The following MYB variants were observed in gnomAD, a reference collection of about 807,000 sequenced individuals.
The protein encoded by MYB is MYB proto-oncogene, transcription factor.
A neutral mutation model predicts 92.9 loss-of-function variants in MYB; 28 were observed. The observed-to-expected ratio is 0.30, with a 90% CI of 0.22 to 0.41. The LOEUF is 0.41. Ranked by LOEUF, MYB falls within the 10% of genes least tolerant of loss-of-function variation. The pLI, the probability that MYB is intolerant of heterozygous loss-of-function variation, is 1.00. For missense variants in MYB, 679 were observed against 929.3 expected, an observed-to-expected ratio of 0.73 and a Z score of 3.50; for synonymous variants, 295 against 329.1, an observed-to-expected ratio of 0.90 and a Z score of 1.12.
At chr6:135,184,427 C>A (rs1418862400) in intron 1 of MYB, among the ~76,000 whole-genome samples, 1 of 140,340 alleles carries the variant, frequency 7.1e-6, no homozygotes, top group Non-Finnish European at 1.5e-5. Context: ...GGAAACAGAA[C>A]TAGGCTATTG....
At chr6:135,183,013 T>G (rs1335342982) in intron 1 of MYB, among the ~76,000 whole-genome samples, 5 of 147,102 alleles carry the variant, frequency 3.4e-5, no homozygotes, top group Admixed American at 6.7e-5. Context: ...TCTGTTTTTT[T>G]TTTTTTTTTT....
At chr6:135,187,778 G>C in intron 2 of MYB, 56 bp from the exon 3 acceptor site, 1 of 1,233,168 alleles carries the variant, frequency 8.1e-7, no homozygotes, top group Non-Finnish European at 1.2e-6. Flanking sequence ...ACTTTAACTT[G>C]AACAGAGTTA....
intron 8 of MYB, chr6:135,195,509 T>A: frequency 2.0e-6 from 1 of 509,670 alleles, no homozygotes; most frequent in Middle Eastern, 4.8e-4. Flanking sequence ...ATTTGACATT[T>A]TTACAAAATG....
At chr6:135,208,571 G>A (rs1325265100) in intron 15 of MYB, among the ~76,000 whole-genome samples, 4 of 148,886 alleles carry the variant, frequency 2.7e-5, no homozygotes, top group Non-Finnish European at 5.9e-5. Context: ...TTTAGAGATG[G>A]GGTCTCCCTG....
intron 14 of MYB, 99 bp downstream of exon 14, chr6:135,201,848 C>G (rs920306061): frequency 5.2e-5 from 26 of 496,606 alleles, no homozygotes; most frequent in Non-Finnish European, 7.9e-5. Flanking sequence ...AGCACTCCCT[C>G]TTTAACACAT....
At chr6:135,202,489 C>G (rs1355356620) in intron 14 of MYB, 1 of 154,980 alleles carries the variant, frequency 6.5e-6, no homozygotes, top group African/African-American at 2.4e-5. Flanking sequence ...CTGCCTCAGT[C>G]TCCCGAGAAG....
In MYB at chr6:135,214,232, G is replaced by A. The variant is rs149456714; in HGVS notation, c.2170-3632G>A. 4.1e-3 allele frequency among the ~76,000 whole-genome samples: 616 copies of A among 151,620 alleles called. 4 individuals are homozygous for A. Among genetic ancestry groups the A allele is most frequent in the African/African-American group, 0.014 (594 of 41,268 alleles). The stretch of plus-strand genomic sequence containing the variant: ...AGGAGTTTGAGGGAGCTGTGATCAC[G>A]CCCCTGCACTCCAGCCTGGGCAACA... On this transcript the variant is annotated intron_variant, in intron 15 of 15. Coordinates refer to ENST00000341911, the MANE Select transcript of MYB (RefSeq NM_001130173.2).
intron 15 of MYB, among the ~76,000 whole-genome samples, chr6:135,208,639 C>T (rs1051089980): frequency 3.9e-5 from 6 of 152,004 alleles, no homozygotes; most frequent in African/African-American, 1.5e-4. Flanking sequence ...CCTTGACCTC[C>T]CAAAGTGCTG....
Position 135,198,999 on chromosome 6 carries a change from C to A in MYB, c.1658C>A (p.Thr553Lys), listed in dbSNP as rs1203580616. The A allele has an allele frequency of 1.2e-6, 2 of 1,612,168 alleles. No individual in the cohort carries two copies. The highest frequency in any genetic ancestry group is 1.3e-5 in the African/African-American group (1 of 74,976). Residue 553 changes from threonine to lysine, a missense_variant, in exon 11 of 16, where the codon ACA becomes AAA. Thr to Lys is a moderately conservative substitution (Grantham distance 78). Around this residue, in one of 8 missense-constraint regions of MYB, gnomAD observed 402 missense variants for 434.2 expected, o/e 0.93. Transcript: ENST00000341911. ...CTCATTGGTCACAAATTGACTGTTA[C>A]AACACCATTTCATAGAGACCAGACT... ...TPLIGHKLTV[T>K]TPFHRDQTVK...
In MYB at chr6:135,218,931, CCTGA is replaced by C. The variant is rs1489406493; in HGVS notation, c.*955_*958del. The C allele has an allele frequency of 4.4e-6, 1 of 227,166 alleles. No homozygotes were observed. The highest frequency in any genetic ancestry group is 2.2e-5 in the African/African-American group (1 of 44,922). 14.1% of individuals were successfully genotyped at this position (227,166 alleles called of 1,614,324 possible). A position where few individuals can be genotyped will look rare whatever the true frequency, so the allele number is the denominator to read the frequency against. On this transcript the variant is annotated 3_prime_UTR_variant, in exon 16 of 16. Transcript: ENST00000341911. ...GTTCTATGTTTTGTTTTGAGTGTAG[CCTGA>C]CTGTTTTATAATTTGGGAGTTCTGC...
At chr6:135,206,224 AAAATAATAAT>A (rs1778884518) in intron 15 of MYB, among the ~76,000 whole-genome samples, 4 of 142,556 alleles carry the variant, frequency 2.8e-5, no homozygotes, top group Admixed American at 2.1e-4. Context: ...AAAAAAAAAA[AAAATAATAAT>A]AATAATAATA....
At chr6:135,199,486 A>T (rs1432545265) in intron 11 of MYB, 3 of 691,746 alleles carry the variant, frequency 4.3e-6, no homozygotes, top group Non-Finnish European at 5.7e-6. Context: ...TTTAGTTTGT[A>T]TTTTTTAATC....
At chr6:135,207,175 T>C (rs1161588097) in intron 15 of MYB, among the ~76,000 whole-genome samples, 1 of 152,194 alleles carries the variant, frequency 6.6e-6, no homozygotes, top group Non-Finnish European at 1.5e-5. Context: ...AAGAGTACTT[T>C]ATATAATCTA....
In MYB at chr6:135,190,363, A is replaced by G; in HGVS notation, c.527+16A>G. On this transcript the variant is annotated intron_variant, in intron 5 of 15. Coordinates refer to ENST00000341911, the MANE Select transcript of MYB (RefSeq NM_001130173.2). This position sits in a 1 kb window ranked among gnomAD's most constrained non-coding sequence, Gnocchi z 4.5. ...TGCCTGGACGGTAATAATATGTCAAAAAATATATTGATCGGGAAGAATGAG... is the reference window on the plus strand; with the variant it reads ...TGCCTGGACGGTAATAATATGTCAAGAAATATATTGATCGGGAAGAATGAG... 6.3e-7 allele frequency: 1 copy of G among 1,595,712 alleles called. No homozygotes were observed. Among genetic ancestry groups the G allele is most frequent in the Non-Finnish European group, 8.6e-7 (1 of 1,163,964 alleles).
chr6:135,198,740 A>G (rs1052556197), intron 10 of MYB, among the ~76,000 whole-genome samples, 168 bp from the exon 11 acceptor site: 131 of 152,226 alleles, frequency 8.6e-4, no homozygotes, highest in African/African-American at 3.1e-3. Flanking sequence ...TGGGTGCTCA[A>G]TTGAAATAAA....
At chr6:135,200,655 A>C (rs1325414098) in intron 13 of MYB, 1 of 562,702 alleles carries the variant, frequency 1.8e-6, no homozygotes, top group Non-Finnish European at 3.2e-6. Context: ...AGAGAGTATC[A>C]AGAAAAGGGA....
chr6:135,203,873 C>A (rs1422258689), intron 15 of MYB: 47 of 1,200,838 alleles, frequency 3.9e-5, no homozygotes, highest in Middle Eastern at 2.5e-4. Context: ...GTTTTAATAT[C>A]AAAAGAGATT....
At chr6:135,216,663 G>A (rs1422308803) in intron 15 of MYB, among the ~76,000 whole-genome samples, 2 of 152,204 alleles carry the variant, frequency 1.3e-5, no homozygotes, top group Non-Finnish European at 2.9e-5. Flanking sequence ...CACAGATGCA[G>A]AGGGCCAACT....
chr6:135,212,224 C>CTTTTTTT (rs545704827), intron 15 of MYB, among the ~76,000 whole-genome samples: 1,720 of 33,022 alleles, frequency 0.052, 39 homozygotes, highest in Non-Finnish European at 0.062. Context: ...TTTGGTTTTA[C>CTTTTTTT]TTTTTTTTTT....
Sources: allele counts gnomAD v4.1 joint callset (sites outside exome capture counted in the v4.1 genomes callset), GRCh38; gene constraint gnomAD v4.1.1; regional missense constraint gnomAD v4.1.1; non-coding constraint Gnocchi (gnomAD v3.1); transcripts MANE v1.5; gene names NCBI Gene and HGNC (gene_info 2026-07-23, HGNC 2026-07-21).